Variants in SLCO1A2 observed in about 807,000 individuals in gnomAD.
The protein encoded by SLCO1A2 is OATP-1.
Under a neutral mutation model 69.0 loss-of-function variants are expected in SLCO1A2, and 67 were observed. The ratio of observed to expected loss-of-function variants is 0.97; its 90% CI spans 0.80 to 1.19. The LOEUF (loss-of-function observed/expected upper bound fraction) is 1.19. Ranked by LOEUF, SLCO1A2 falls within the 50% of genes most tolerant of loss-of-function variation. The probability of loss-of-function intolerance (pLI) is 0.00; values close to 1 mark genes in which losing one functional copy is unlikely to be tolerated. For synonymous variants in SLCO1A2, 260 were observed against 265.9 expected (o/e 0.98, Z 0.22); for missense variants, 787 against 793.7 (o/e 0.99, Z 0.10).
At chr12:21,396,880 C>T (rs1016466681), upstream of SLCO1A2, among the ~76,000 whole-genome samples, 5 of 152,070 alleles carry the variant, frequency 3.3e-5, no homozygotes, top group East Asian at 9.6e-4. Flanking sequence ...AAGCACTAAA[C>T]ATGGAAAGGA....
intron 1 of SLCO1A2, chr12:21,378,833 T>C: frequency 5.9e-6 from 1 of 168,440 alleles, no homozygotes; most frequent in South Asian, 1.5e-4. Context: ...TCCCAGCACT[T>C]TGGGAGGCCG....
intron 2 of SLCO1A2, chr12:21,373,804 A>AT (rs1939984268): frequency 1.6e-6 from 1 of 637,484 alleles, no homozygotes; most frequent in Admixed American, 2.6e-5. Flanking sequence ...ATATATTTTT[A>AT]TACCAAGTGG....
chr12:21,306,913 G>T lies in SLCO1A2; in HGVS notation c.411C>A (p.Thr137=), dbSNP rs1949481872. 1.2e-6 allele frequency: 2 copies of T among 1,613,640 alleles called. No homozygotes were observed. Among genetic ancestry groups the T allele is most frequent in the South Asian group, 2.2e-5 (2 of 91,054 alleles). ...SNSFLCMENG[T]QILRPTQDPS... ...GATCCTGCGTTGGTCTTAAAATCTG[G>T]GTTCCATTTTCCATACACAAGAAAC... Residue 137 remains threonine (T), a synonymous_variant, in exon 5 of 15, where the codon ACC becomes ACA. Transcript: ENST00000683939.
At chr12:21,414,258 T>C (rs903010136) in intron 1 of SLCO1A2, among the ~76,000 whole-genome samples, 2 of 150,702 alleles carry the variant, frequency 1.3e-5, no homozygotes, top group Non-Finnish European at 2.9e-5. Flanking sequence ...AATTAAAGGA[T>C]TGAGCCACTG....
chr12:21,376,207 G>A, intron 1 of SLCO1A2: 1 of 158,146 alleles, frequency 6.3e-6, no homozygotes, highest in South Asian at 1.6e-4. Flanking sequence ...TCAGCATTTA[G>A]CATATAAAGT....
chr12:21,318,289 G>T (rs1951142999), intron 3 of SLCO1A2, among the ~76,000 whole-genome samples: 1 of 151,820 alleles, frequency 6.6e-6, no homozygotes, highest in African/African-American at 2.4e-5. Flanking sequence ...CGGCCAATTT[G>T]TTTGTATTTC....
intron 1 of SLCO1A2, among the ~76,000 whole-genome samples, chr12:21,414,347 A>G (rs140235942): frequency 1.3e-5 from 2 of 151,180 alleles, no homozygotes; most frequent in African/African-American, 4.9e-5. Context: ...CTCGAAGTAC[A>G]TGTTGCTAAG....
chr12:21,338,201 A>C (rs891287121), upstream of SLCO1A2, among the ~76,000 whole-genome samples: 9 of 151,682 alleles, frequency 5.9e-5, no homozygotes, highest in African/African-American at 2.2e-4. Context: ...AACAGGATGA[A>C]CTCCTTTACC....
intron 12 of SLCO1A2, among the ~76,000 whole-genome samples, chr12:21,276,558 A>G (rs1238813449): frequency 6.6e-6 from 1 of 151,910 alleles, no homozygotes; most frequent in Non-Finnish European, 1.5e-5. Context: ...AAAAAAACCA[A>G]AAAAAACCTT....
At chr12:21,301,092 G>T in intron 7 of SLCO1A2, 79 bp downstream of exon 7, 1 of 768,664 alleles carries the variant, frequency 1.3e-6, no homozygotes, top group Non-Finnish European at 2.0e-6. Flanking sequence ...GGTCAAGTAA[G>T]GCCATGATTA....
chr12:21,274,438 A>G (rs1943429362), intron 14 of SLCO1A2, 31 bp downstream of exon 14: 2 of 1,455,278 alleles, frequency 1.4e-6, no homozygotes, highest in Non-Finnish European at 1.9e-6. Context: ...CTATGCTTAT[A>G]AAACAATTTT....
At chr12:21,345,533 A>G (rs1465360331) in intron 2 of SLCO1A2, among the ~76,000 whole-genome samples, 1 of 152,150 alleles carries the variant, frequency 6.6e-6, no homozygotes, top group African/African-American at 2.4e-5. Flanking sequence ...TATCAGTTCT[A>G]GGAATAGGAT....
At chr12:21,385,171 A>G (rs917268848) in intron 1 of SLCO1A2, among the ~76,000 whole-genome samples, 8 of 152,186 alleles carry the variant, frequency 5.3e-5, no homozygotes, top group Non-Finnish European at 8.8e-5. Flanking sequence ...AAAATTTAGT[A>G]TAAGTTTACG....
At position 21,268,851 on chromosome 12, in the gene SLCO1A2, G is replaced by A. The variant is rs1942339197; in HGVS notation, c.*697C>T. 6.6e-6 allele frequency: 1 copy of A among 151,800 alleles called. No homozygotes were observed. The allele number at this position is 151,800 out of a possible 1,614,324, so 9.4% of individuals were successfully genotyped here. On this transcript the variant is annotated 3_prime_UTR_variant, in exon 15 of 15. Transcript: ENST00000683939. Reference sequence around the variant, plus strand: ...ACACTTGTTTGTAAGAAAAACTTTAGTCACTGGATTTGAATTACTGAAAAA... The same window carrying A: ...ACACTTGTTTGTAAGAAAAACTTTAATCACTGGATTTGAATTACTGAAAAA...
intron 14 of SLCO1A2, among the ~76,000 whole-genome samples, chr12:21,273,349 A>AAAAT (rs1283774141): frequency 6.6e-6 from 1 of 150,916 alleles, no homozygotes; most frequent in Non-Finnish European, 1.5e-5. Flanking sequence ...AACATCCTTG[A>AAAAT]AAATATAGTC....
chr12:21,328,587 G>A (rs1041464867), intron 2 of SLCO1A2, among the ~76,000 whole-genome samples: 13 of 152,116 alleles, frequency 8.5e-5, no homozygotes, highest in African/African-American at 3.1e-4. Flanking sequence ...GTTTTATGCA[G>A]TGTCCTAACC....
intron 1 of SLCO1A2, among the ~76,000 whole-genome samples, chr12:21,383,361 G>A (rs1940706663): frequency 6.6e-6 from 1 of 151,964 alleles, no homozygotes; most frequent in South Asian, 2.1e-4. Context: ...TCCTATAGCT[G>A]GTCCCTTAAC....
intron 14 of SLCO1A2, among the ~76,000 whole-genome samples, chr12:21,272,181 C>T (rs1255229700): frequency 6.6e-6 from 1 of 151,316 alleles, no homozygotes; most frequent in Non-Finnish European, 1.5e-5. Flanking sequence ...GGCATAGGTG[C>T]TCGTATTTTG....
chr12:21,400,096 A>T (rs1365089277), upstream of SLCO1A2, among the ~76,000 whole-genome samples: 2 of 152,020 alleles, frequency 1.3e-5, no homozygotes, highest in Non-Finnish European at 2.9e-5. Flanking sequence ...GGCAACCTAC[A>T]AAATGGGAGG....
Sources: gnomAD v4.1 joint callset for allele counts (sites outside exome capture counted in the v4.1 genomes callset) on GRCh38, gnomAD v4.1.1 for gene constraint, MANE v1.5 for transcripts, NCBI Gene and HGNC (gene_info 2026-07-23, HGNC 2026-07-21) for gene names.